VIL1: variants seen among roughly 807,000 people sequenced by gnomAD.
VIL1 encodes the protein villin 1.
VIL1 carries 86 observed loss-of-function variants against 104.0 expected under a neutral mutation model. That is an observed-to-expected ratio of 0.83 (90% CI 0.69 to 0.99). The LOEUF is 0.99. Ranked by LOEUF, VIL1 falls within the 50% of genes least tolerant of loss-of-function variation. VIL1 has a pLI of 0.00. For synonymous variants in VIL1, 394 were observed against 412.6 expected (o/e 0.95, Z 0.55); for missense variants, 944 against 1,054.1 (o/e 0.90, Z 1.45).
chr2:218,419,807 T>G (rs569470343), intron 1 of VIL1, among the ~76,000 whole-genome samples: 1 of 152,084 alleles, frequency 6.6e-6, no homozygotes, highest in African/African-American at 2.4e-5. Flanking sequence ...CCCATTGGCC[T>G]CCCCAGCCAC....
Position 218,449,445 on chromosome 2 carries a change from A to G in VIL1, c.*109A>G. The stretch of plus-strand genomic sequence containing the variant: ...GAAGTGAAATTTTGCAGATGTGCCT[A>G]TGAGCACAAACTTCTGTGGCAAATG... On this transcript the variant is annotated 3_prime_UTR_variant, in exon 20 of 20. Transcript: ENST00000248444. The G allele has an allele frequency of 2.3e-6, 2 of 872,774 alleles. No homozygotes were observed. The highest frequency in any genetic ancestry group is 2.3e-4 in the Middle Eastern group (1 of 4,384). The allele number at this position is 872,774 out of a possible 1,614,324, so 54.1% of individuals were successfully genotyped here. A position where few individuals can be genotyped will look rare whatever the true frequency, so the allele number is the denominator to read the frequency against.
Position 218,436,459 on chromosome 2 carries a change from A to C in VIL1, c.1827-23A>C, listed in dbSNP as rs745934082. The C allele has an allele frequency of 2.5e-6, 4 of 1,608,892 alleles. No individual in the cohort carries two copies. In the African/African-American group the frequency reaches 5.4e-5, roughly 22 times the overall value. On this transcript the variant is annotated intron_variant, in intron 15 of 19. Coordinates refer to ENST00000248444, the MANE Select transcript of VIL1 (RefSeq NM_007127.3). Reference sequence around the variant, plus strand: ...TTTGCCACACCTTCCTTCTGCCAGTACAATCTTCTCTCCATCCTGCAGACT... The same window carrying C: ...TTTGCCACACCTTCCTTCTGCCAGTCCAATCTTCTCTCCATCCTGCAGACT...
At chr2:218,434,261 G>T (rs1689149218) in intron 13 of VIL1, among the ~76,000 whole-genome samples, 1 of 151,914 alleles carries the variant, frequency 6.6e-6, no homozygotes, top group Non-Finnish European at 1.5e-5. Flanking sequence ...GTCTGCAAAG[G>T]CAGTTTGCAT....
chr2:218,445,178 T>C (rs185286264), intron 19 of VIL1, among the ~76,000 whole-genome samples: 30 of 152,232 alleles, frequency 2.0e-4, no homozygotes, highest in Admixed American at 1.3e-3. Flanking sequence ...GGCGGGCAGA[T>C]TGCTTGAGCC....
chr2:218,438,841 T>A (rs1689237850), intron 18 of VIL1, 115 bp downstream of exon 18: 1 of 779,158 alleles, frequency 1.3e-6, no homozygotes, highest in South Asian at 1.7e-5. Context: ...CTCCTATTTC[T>A]CCCCCACTTC....
rs1689451212 is a variant in VIL1 at position 218,450,488 on chromosome 2, G to A, written c.*1152G>A. On this transcript the variant is annotated 3_prime_UTR_variant, in exon 20 of 20. Transcript: ENST00000248444. ...CACAGCTGCCAGAAAACCTGGTAGTGGCTCAATTAGGCAAAGTGTAGGAAT... is the reference window on the plus strand; with the variant it reads ...CACAGCTGCCAGAAAACCTGGTAGTAGCTCAATTAGGCAAAGTGTAGGAAT... The A allele has an allele frequency of 6.6e-6, 1 of 152,546 alleles. No homozygotes were observed. The highest frequency in any genetic ancestry group is 1.9e-4 in the East Asian group (1 of 5,196). 9.4% of individuals were successfully genotyped at this position (152,546 alleles called of 1,614,324 possible).
At chr2:218,424,437 G>T in intron 3 of VIL1, 86 bp downstream of exon 3, 3 of 1,430,830 alleles carry the variant, frequency 2.1e-6, no homozygotes, top group South Asian at 1.2e-5. Flanking sequence ...GCCGTGGGGA[G>T]AGTTGGCCTG....
At chr2:218,442,277 G>C (rs1331125851) in intron 19 of VIL1, among the ~76,000 whole-genome samples, 1 of 152,180 alleles carries the variant, frequency 6.6e-6, no homozygotes, top group East Asian at 1.9e-4. Flanking sequence ...AGACAATCAT[G>C]AGTTTGGTGG....
chr2:218,432,285 G>A (rs982227178), intron 12 of VIL1, 102 bp downstream of exon 12: 1 of 1,503,088 alleles, frequency 6.7e-7, no homozygotes, highest in Non-Finnish European at 8.9e-7. Flanking sequence ...TACCTCTGGG[G>A]ATGGGGTGCT....
At chr2:218,431,087 G>T (rs113209409) in intron 10 of VIL1, 8,091 of 679,340 alleles carry the variant, frequency 0.012, 78 homozygotes, top group Middle Eastern at 0.019. Context: ...GGTGGCACAT[G>T]CCTGTAATCC....
intron 4 of VIL1, among the ~76,000 whole-genome samples, chr2:218,426,277 T>C (rs1688981219): frequency 1.3e-5 from 2 of 151,912 alleles, no homozygotes; most frequent in Non-Finnish European, 1.5e-5. Flanking sequence ...TTTTTTGAGA[T>C]GGAGTCTTGC....
At chr2:218,431,101 C>G (rs970849107) in intron 10 of VIL1, 1 of 634,910 alleles carries the variant, frequency 1.6e-6, no homozygotes, top group African/African-American at 1.9e-5. Flanking sequence ...GTAATCCCAG[C>G]ACTTTGGGAG....
chr2:218,427,556 C>A (rs920169830), intron 4 of VIL1, among the ~76,000 whole-genome samples: 1 of 152,088 alleles, frequency 6.6e-6, no homozygotes, highest in African/African-American at 2.4e-5. Flanking sequence ...GAACTCCTGA[C>A]CTCAAATGAT....
At position 218,429,862 on chromosome 2, in the gene VIL1, T is replaced by C; in HGVS notation, c.863T>C (p.Leu288Pro). 1 of 1,610,006 alleles carries C rather than the reference T, an allele frequency of 6.2e-7. No individual in the cohort carries two copies. Among genetic ancestry groups the C allele is most frequent in the Non-Finnish European group, 8.5e-7 (1 of 1,179,408 alleles). The change falls in exon 9 of 20, where the codon CTG (leucine) becomes CCG (proline). Residue 288 changes from leucine (L) to proline (P), a missense_variant. Coordinates refer to ENST00000248444, the MANE Select transcript of VIL1 (RefSeq NM_007127.3). The part of the protein sequence containing the change: ...DLLSHEDCYI[L>P]DQGGLKIYVW... ...TCCCGACTCTAGGACTGTTACATCC[T>C]GGACCAGGGGGGCCTGAAGATCTAC...
At position 218,453,269 on chromosome 2, in the gene VIL1, G is replaced by A. The variant is rs899455255; in HGVS notation, c.*3933G>A. ...TTGTGTTTTTTTTGTTTTTGTTTTCGTTTTTTTTAATGAGATGGAGTCTCA... is the reference window on the plus strand; with the variant it reads ...TTGTGTTTTTTTTGTTTTTGTTTTCATTTTTTTTAATGAGATGGAGTCTCA... On this transcript the variant is annotated 3_prime_UTR_variant, in exon 20 of 20. Transcript: ENST00000248444. The A allele has an allele frequency of 1.3e-5, 2 of 151,090 alleles. No homozygotes were observed. Among genetic ancestry groups the A allele is most frequent in the African/African-American group, 4.9e-5 (2 of 41,132 alleles). The allele number at this position is 151,090 out of a possible 1,614,324, so 9.4% of individuals were successfully genotyped here.
At chr2:218,428,128 C>T in intron 5 of VIL1, 55 bp downstream of exon 5, 5 of 1,597,244 alleles carry the variant, frequency 3.1e-6, no homozygotes, top group Non-Finnish European at 4.3e-6. Flanking sequence ...GGGTGGAGGG[C>T]AGGGGCTGAG....
In VIL1 at chr2:218,425,640, C is replaced by T; in HGVS notation, c.176C>T (p.Ser59Phe). Residue 59 changes from serine (S) to phenylalanine (F), a missense_variant, in exon 4 of 20, where the codon TCC (serine) becomes TTC (phenylalanine). Ser to Phe is a radical substitution (Grantham distance 155). Coordinates refer to ENST00000248444, the MANE Select transcript of VIL1 (RefSeq NM_007127.3). ...ATCCACAAGACAGCCAGCAGCCTGT[C>T]CTATGACATCCACTACTGGATTGGC... ...LAIHKTASSL[S>F]YDIHYWIGQD... 1 of 1,614,196 alleles carries T rather than the reference C, an allele frequency of 6.2e-7. No individual in the cohort carries two copies. The highest frequency in any genetic ancestry group is 8.5e-7 in the Non-Finnish European group (1 of 1,180,044).
At chr2:218,428,786 T>C (rs4674306) in intron 6 of VIL1, among the ~76,000 whole-genome samples, 142,899 of 152,230 alleles carry the variant, frequency 0.94, 67,708 homozygotes, top group East Asian at 1. Flanking sequence ...ATTCTCCTGC[T>C]TCAGCCTCCC....
At chr2:218,446,523 C>T (rs954135032) in intron 19 of VIL1, among the ~76,000 whole-genome samples, 3 of 151,752 alleles carry the variant, frequency 2.0e-5, no homozygotes, top group Non-Finnish European at 2.9e-5. Flanking sequence ...GTATGAGCCA[C>T]TACGCCTGGC....
Sources: gnomAD v4.1 joint callset for allele counts (sites outside exome capture counted in the v4.1 genomes callset) on GRCh38, gnomAD v4.1.1 for gene constraint, MANE v1.5 for transcripts, NCBI Gene and HGNC (gene_info 2026-07-23, HGNC 2026-07-21) for gene names.